SDK2: variants seen among roughly 807,000 people sequenced by gnomAD.
The protein encoded by SDK2 is protein sidekick-2.
SDK2 carries 105 observed loss-of-function variants against 253.9 expected under a neutral mutation model. That is an observed-to-expected ratio of 0.41 (90% confidence interval 0.35 to 0.49). The LOEUF is 0.49. Among genes scored for constraint, SDK2 ranks in the 20% least tolerant of loss-of-function variants. The pLI is 0.06. For missense variants in SDK2, 2,608 were observed against 3,003.0 expected, an observed-to-expected ratio of 0.87 and a Z score of 3.07; for synonymous variants, 1,249 against 1,234.9, an observed-to-expected ratio of 1.01 and a Z score of -0.24.
Position 73,355,567 on chromosome 17 carries a change from C to T in SDK2, c.5593+2512G>A, listed in dbSNP as rs541547434. 1.1e-4 allele frequency among the ~76,000 whole-genome samples: 17 copies of T among 152,122 alleles called. No homozygotes were observed. In the Middle Eastern group the frequency reaches 0.01, roughly 91 times the overall value. On this transcript the variant is annotated intron_variant, in intron 40 of 44. Coordinates refer to ENST00000392650, the MANE Select transcript of SDK2 (RefSeq NM_001144952.2). ...TTCACCATATTGGCGAGGATGGTCT[C>T]GATCTCCTGACCTCGTGATCCGCCT...
chr17:73,573,315 C>A (rs371250270), intron 1 of SDK2, among the ~76,000 whole-genome samples: 1 of 152,116 alleles, frequency 6.6e-6, no homozygotes, highest in Non-Finnish European at 1.5e-5. Context: ...AGAGCTCCAG[C>A]GTGGTGGGCT....
intron 18 of SDK2, among the ~76,000 whole-genome samples, chr17:73,408,542 C>T (rs2063100123): frequency 1.3e-5 from 2 of 152,082 alleles, no homozygotes; most frequent in South Asian, 4.1e-4. Context: ...TTTCAAATAA[C>T]AAAAAATCAA....
At position 73,639,245 on chromosome 17, in the gene SDK2, A is replaced by G. The variant is rs1452226541; in HGVS notation, c.64+4780T>C. On this transcript the variant is annotated intron_variant, in intron 1 of 44. Transcript: ENST00000392650. The surrounding 1 kb of genome is among the most constrained non-coding windows in gnomAD (Gnocchi z 4.3). The stretch of plus-strand genomic sequence containing the variant: ...GAGCCATTCACCACGTCTGCAGGAG[A>G]AGGGTCTCCCCAGGGCTCCCTGGGC... Among the ~76,000 whole-genome samples, 2 of 152,094 alleles carry G rather than the reference A, an allele frequency of 1.3e-5. No homozygotes were observed. The highest frequency in any genetic ancestry group is 1.3e-4 in the Admixed American group (2 of 15,284).
At chr17:73,536,242 G>C (rs1321347371) in intron 1 of SDK2, among the ~76,000 whole-genome samples, 1 of 152,212 alleles carries the variant, frequency 6.6e-6, no homozygotes, top group Non-Finnish European at 1.5e-5. Context: ...TGCTGCCCTA[G>C]AGGCCATCCT....
Position 73,379,267 on chromosome 17 carries a change from C to A in SDK2, c.4890G>T (p.Val1630=). ...EAVPTAAPRN[V]VVHGATATQL... is the part of the protein sequence containing the mutation. ...GTGTGGCCGTGGCGCCGTGGACGAC[C>A]ACGTTACGAGGTGCTGCTGTGGGCA... The change falls in exon 36 of 45, where the codon GTG becomes GTT. Residue 1630 remains valine (V), a synonymous_variant. Coordinates refer to ENST00000392650, the MANE Select transcript of SDK2 (RefSeq NM_001144952.2). This position sits in a 1 kb window ranked among gnomAD's most constrained non-coding sequence, Gnocchi z 4.5. The A allele has an allele frequency of 6.4e-7, 1 of 1,555,342 alleles. No homozygotes were observed. The highest frequency in any genetic ancestry group is 1.2e-5 in the South Asian group (1 of 84,294).
intron 29 of SDK2, among the ~76,000 whole-genome samples, chr17:73,390,031 G>T (rs540589047): frequency 1.2e-4 from 18 of 152,372 alleles, no homozygotes; most frequent in African/African-American, 4.1e-4. Flanking sequence ...TTACAGGCGT[G>T]AGCCACTAAG....
chr17:73,562,519 G>A (rs1369095184), intron 1 of SDK2, among the ~76,000 whole-genome samples: 3 of 152,140 alleles, frequency 2.0e-5, no homozygotes, highest in African/African-American at 7.2e-5. Flanking sequence ...GAATCTGGGG[G>A]AACATGAGGC....
chr17:73,427,900 A>C (rs780156072), intron 12 of SDK2, among the ~76,000 whole-genome samples: 1 of 152,242 alleles, frequency 6.6e-6, no homozygotes, highest in Non-Finnish European at 1.5e-5. Context: ...CACTTTCAAG[A>C]GAATAAAAAG....
At chr17:73,619,517 T>A (rs1321396841) in intron 1 of SDK2, among the ~76,000 whole-genome samples, 1 of 152,132 alleles carries the variant, frequency 6.6e-6, no homozygotes, top group Non-Finnish European at 1.5e-5. Flanking sequence ...CAAATGGAGC[T>A]TGGATAACTG....
intron 40 of SDK2, chr17:73,357,860 C>T (rs534217381): frequency 4.7e-4 from 333 of 705,354 alleles, no homozygotes; most frequent in Admixed American, 4.5e-3. Context: ...CACTAACAGC[C>T]GTTCTCTGGG....
At chr17:73,457,271 CTTCCTTCCTTCCTT>C (rs2063533730) in intron 3 of SDK2, among the ~76,000 whole-genome samples, 5 of 63,966 alleles carry the variant, frequency 7.8e-5, no homozygotes, top group African/African-American at 2.6e-4. Flanking sequence ...TCCTTCCTTC[CTTCCTTCCTTCCTT>C]CCCCCCTCCC....
chr17:73,537,141 A>C (rs2044788771), intron 1 of SDK2, among the ~76,000 whole-genome samples: 1 of 152,182 alleles, frequency 6.6e-6, no homozygotes, highest in Non-Finnish European at 1.5e-5. Context: ...ATCATGTGTG[A>C]CTGGGCGCTC....
chr17:73,423,556 G>A, intron 13 of SDK2, 34 bp from the exon 14 acceptor site: 1 of 1,495,492 alleles, frequency 6.7e-7, no homozygotes, highest in Non-Finnish European at 9.0e-7. Flanking sequence ...GCATCCCTAT[G>A]TGGTCTGCAG....
At chr17:73,341,316 A>G (rs2062435078) in intron 44 of SDK2, among the ~76,000 whole-genome samples, 1 of 150,224 alleles carries the variant, frequency 6.7e-6, no homozygotes, top group Admixed American at 6.7e-5. Context: ...ACAAGAATCA[A>G]TCTCGGTTGG....
At chr17:73,464,413 C>A (rs1238624136) in intron 3 of SDK2, among the ~76,000 whole-genome samples, 1 of 152,196 alleles carries the variant, frequency 6.6e-6, no homozygotes, top group African/African-American at 2.4e-5. Context: ...GATGGTGAGG[C>A]CTCTCTAGCC....
chr17:73,387,652 A>G (rs1279868333), intron 30 of SDK2, among the ~76,000 whole-genome samples, 184 bp downstream of exon 30: 2 of 152,220 alleles, frequency 1.3e-5, no homozygotes, highest in Non-Finnish European at 2.9e-5. Flanking sequence ...AGTGAGGAAG[A>G]GCAGGATAGA....
intron 10 of SDK2, among the ~76,000 whole-genome samples, chr17:73,432,815 T>C (rs1290543018): frequency 2.0e-5 from 3 of 149,614 alleles, no homozygotes; most frequent in Non-Finnish European, 4.5e-5. Flanking sequence ...TGTGTGCACA[T>C]GTGTATGTAC....
rs548385090 is a variant in SDK2 at position 73,397,897 on chromosome 17, A to G, written c.3354+138T>C. 1.5e-4 allele frequency: 150 copies of G among 968,624 alleles called. 1 individual carries two copies. In the South Asian group the frequency reaches 2.5e-3, roughly 16 times the overall value. The allele number at this position is 968,624 out of a possible 1,614,324, so 60.0% of individuals were successfully genotyped here. On this transcript the variant is annotated intron_variant, in intron 24 of 44. Coordinates refer to ENST00000392650, the MANE Select transcript of SDK2 (RefSeq NM_001144952.2). The stretch of plus-strand genomic sequence containing the variant: ...GGGGGCATTTGTTCGTTGGGCTAAG[A>G]TGTTGATTATCAGGCATCTCATCAG...
chr17:73,338,944 G>C lies in SDK2; in HGVS notation c.6166-4C>G, dbSNP rs766197650. The C allele has an allele frequency of 6.2e-7, 1 of 1,613,250 alleles. No homozygotes were observed. Among genetic ancestry groups the C allele is most frequent in the East Asian group, 2.2e-5 (1 of 44,876 alleles). ...CCTCGTACTCGCTGTCACTTCCCTG[G>C]GAGGACAGAGAATCAGGGTGTGTCA... On this transcript the variant is annotated splice_polypyrimidine_tract_variant and splice_region_variant and intron_variant, in intron 44 of 44. Coordinates refer to ENST00000392650, the MANE Select transcript of SDK2 (RefSeq NM_001144952.2). The surrounding 1 kb of genome is among the most constrained non-coding windows in gnomAD (Gnocchi z 5.0).
Sources: allele counts gnomAD v4.1 joint callset (sites outside exome capture counted in the v4.1 genomes callset), GRCh38; gene constraint gnomAD v4.1.1; non-coding constraint Gnocchi (gnomAD v3.1); transcripts MANE v1.5; gene names NCBI Gene and HGNC (gene_info 2026-07-23, HGNC 2026-07-21).